Variants in KRTAP12-4 observed in about 807,000 individuals in gnomAD.
KRTAP12-4 encodes the protein keratin-associated protein 12-4.
For missense variants in KRTAP12-4, 148 were observed against 141.2 expected, an observed-to-expected ratio of 1.05 and a Z score of -0.24; for synonymous variants, 58 against 58.7, an observed-to-expected ratio of 0.99 and a Z score of 0.05.
chr21:44,654,454 G>T lies in KRTAP12-4; in HGVS notation c.161C>A (p.Thr54Asn). 1 of 1,614,060 alleles carries T rather than the reference G, an allele frequency of 6.2e-7. No homozygotes were observed. Among genetic ancestry groups the T allele is most frequent in the Non-Finnish European group, 8.5e-7 (1 of 1,179,960 alleles). ...CACACAGCAGGCTGGCTGGCAGCAGGTGGATACCCCACACAGGGGCCGGCA... is the reference window on the plus strand; with the variant it reads ...CACACAGCAGGCTGGCTGGCAGCAGTTGGATACCCCACACAGGGGCCGGCA... ...LLCRPLCGVSTCCQPACCVPS... is the reference protein window; with the variant it reads ...LLCRPLCGVSNCCQPACCVPS... The change falls in exon 1 of 1, where the codon ACC becomes AAC. Residue 54 changes from threonine to asparagine, a missense_variant. Thr to Asn is a moderately conservative substitution (Grantham distance 65). Coordinates refer to ENST00000391618, the MANE Select transcript of KRTAP12-4 (RefSeq NM_198698.1).
At chr21:44,654,577 G>GC in the KRTAP12-4 span, 1 of 1,601,194 alleles carries the variant, frequency 6.2e-7, no homozygotes, top group Non-Finnish European at 8.5e-7. Flanking sequence ...GCCAGGGCAG[G>GC]CCATTGGGCA....
In KRTAP12-4 at chr21:44,654,440, C is replaced by T. The variant is rs1985003383; in HGVS notation, c.175G>A (p.Ala59Thr). The change falls in exon 1 of 1, where the codon GCC becomes ACC. Residue 59 changes from alanine (A) to threonine (T), a missense_variant. Ala to Thr is a moderately conservative substitution (Grantham distance 58). Coordinates refer to ENST00000391618, the MANE Select transcript of KRTAP12-4 (RefSeq NM_198698.1). ...TGGCAGGGGCTGGGCACACAGCAGG[C>T]TGGCTGGCAGCAGGTGGATACCCCA... ...LCGVSTCCQP[A>T]CCVPSPCQVA... is the part of the protein sequence containing the mutation. 6.2e-7 allele frequency: 1 copy of T among 1,614,086 alleles called. No homozygotes were observed. The highest frequency in any genetic ancestry group is 8.5e-7 in the Non-Finnish European group (1 of 1,179,980).
At position 44,654,313 on chromosome 21, in the gene KRTAP12-4, TAGA is replaced by T; in HGVS notation, c.299_301del (p.Val100_Tyr101delinsAsp). On this transcript the variant is annotated inframe_deletion, in exon 1 of 1. Transcript: ENST00000391618. The stretch of plus-strand genomic sequence containing the variant: ...GGGGGTGCTCCAGGTGACAGGTCTA[TAGA>T]CCAGGGTGGGGCAGAAGGGCTGGCA... The T allele has an allele frequency of 3.1e-6, 5 of 1,613,948 alleles. No homozygotes were observed. The highest frequency in any genetic ancestry group is 4.2e-6 in the Non-Finnish European group (5 of 1,179,902).
At position 44,654,462 on chromosome 21, in the gene KRTAP12-4, C is replaced by A; in HGVS notation, c.153G>T (p.Gly51=). Residue 51 remains glycine (G), a synonymous_variant, in exon 1 of 1, where the codon GGG becomes GGT. Coordinates refer to ENST00000391618, the MANE Select transcript of KRTAP12-4 (RefSeq NM_198698.1). ...AGGCTGGCTGGCAGCAGGTGGATAC[C>A]CCACACAGGGGCCGGCACAGCAGAG... is the stretch of plus-strand genomic sequence containing the variant. ...CVALLCRPLC[G]VSTCCQPACC... 2 of 1,613,966 alleles carry A rather than the reference C, an allele frequency of 1.2e-6. No homozygotes were observed. The highest frequency in any genetic ancestry group is 1.7e-6 in the Non-Finnish European group (2 of 1,179,938).
In KRTAP12-4 at chr21:44,654,600, G is replaced by C; in HGVS notation, c.15C>G (p.Ser5Arg). The part of the protein sequence containing the change: MCHT[S>R]HSSGCPMACP... The stretch of plus-strand genomic sequence containing the variant: ...AGGCCATTGGGCAGCCCGAAGAGTG[G>C]CTGGTGTGGCACATGATGGAGTGTG... The change falls in exon 1 of 1, where the codon AGC becomes AGG. Residue 5 changes from serine (S) to arginine (R), a missense_variant. Ser to Arg is a moderately radical substitution (Grantham distance 110, BLOSUM62 -1). Transcript: ENST00000391618. 6.4e-7 allele frequency: 1 copy of C among 1,573,048 alleles called. No homozygotes were observed. The highest frequency in any genetic ancestry group is 8.6e-7 in the Non-Finnish European group (1 of 1,158,010).
rs782748236 is a variant in KRTAP12-4 at position 44,654,270 on chromosome 21, A to G, written c.*6T>C. ...GCACCTACGAGGGTCATAGGAGGCC[A>G]CCTGCTCAGCAGCCAGTGGGGGTGC... On this transcript the variant is annotated 3_prime_UTR_variant, in exon 1 of 1. Transcript: ENST00000391618. The G allele has an allele frequency of 2.7e-5, 44 of 1,612,704 alleles. No individual in the cohort carries two copies. Among genetic ancestry groups the G allele is most frequent in the Non-Finnish European group, 3.6e-5 (43 of 1,179,174 alleles).
Position 44,654,468 on chromosome 21 carries a change from C to T in KRTAP12-4, c.147G>A (p.Leu49=), listed in dbSNP as rs1465241870. The change falls in exon 1 of 1, where the codon CTG becomes CTA. Residue 49 remains leucine (L), a synonymous_variant. Coordinates refer to ENST00000391618, the MANE Select transcript of KRTAP12-4 (RefSeq NM_198698.1). The part of the protein sequence containing the change: ...APCVALLCRP[L]CGVSTCCQPA... ...GCTGGCAGCAGGTGGATACCCCACA[C>T]AGGGGCCGGCACAGCAGAGCCACAC... 3 of 1,613,844 alleles carry T rather than the reference C, an allele frequency of 1.9e-6. No homozygotes were observed. The highest frequency in any genetic ancestry group is 2.7e-5 in the African/African-American group (2 of 74,942).
At position 44,654,422 on chromosome 21, in the gene KRTAP12-4, G is replaced by T; in HGVS notation, c.193C>A (p.Pro65Thr). The change falls in exon 1 of 1, where the codon CCC becomes ACC. Residue 65 changes from proline (P) to threonine (T), a missense_variant. Transcript: ENST00000391618. Reference sequence around the variant, plus strand: ...GGCACACAGCAGGCCACCTGGCAGGGGCTGGGCACACAGCAGGCTGGCTGG... The same window carrying T: ...GGCACACAGCAGGCCACCTGGCAGGTGCTGGGCACACAGCAGGCTGGCTGG... The part of the protein sequence containing the change: ...CCQPACCVPS[P>T]CQVACCVPVS... 1 of 1,614,152 alleles carries T rather than the reference G, an allele frequency of 6.2e-7. No individual in the cohort carries two copies. The highest frequency in any genetic ancestry group is 8.5e-7 in the Non-Finnish European group (1 of 1,179,990).
At chr21:44,654,548 TGGGGACACAGCAC>T in the KRTAP12-4 span, 205 of 1,611,210 alleles carry the variant, frequency 1.3e-4, 1 homozygote, top group African/African-American at 2.4e-3. Flanking sequence ...TAGCAGGTGC[TGGGGACACAGCAC>T]GGGGAGCCAG....
chr21:44,654,245 G>C lies in KRTAP12-4; in HGVS notation c.*31C>G. Reference sequence around the variant, plus strand: ...AGAGAGCCTGCTGGCTTCTGACCTCGCACCTACGAGGGTCATAGGAGGCCA... The same window carrying C: ...AGAGAGCCTGCTGGCTTCTGACCTCCCACCTACGAGGGTCATAGGAGGCCA... On this transcript the variant is annotated 3_prime_UTR_variant, in exon 1 of 1. Coordinates refer to ENST00000391618, the MANE Select transcript of KRTAP12-4 (RefSeq NM_198698.1). 2.6e-6 allele frequency: 4 copies of C among 1,561,430 alleles called. No individual in the cohort carries two copies. The highest frequency in any genetic ancestry group is 1.1e-5 in the South Asian group (1 of 89,682).
In KRTAP12-4 at chr21:44,654,249, C is replaced by G; in HGVS notation, c.*27G>C. 1.9e-6 allele frequency: 3 copies of G among 1,588,940 alleles called. No homozygotes were observed. Among genetic ancestry groups the G allele is most frequent in the Non-Finnish European group, 2.6e-6 (3 of 1,158,632 alleles). ...AGCCTGCTGGCTTCTGACCTCGCAC[C>G]TACGAGGGTCATAGGAGGCCACCTG... On this transcript the variant is annotated 3_prime_UTR_variant, in exon 1 of 1. Coordinates refer to ENST00000391618, the MANE Select transcript of KRTAP12-4 (RefSeq NM_198698.1).
Position 44,654,643 on chromosome 21 carries a change from G to A in KRTAP12-4, c.-29C>T, listed in dbSNP as rs2070576. 1.1e-5 allele frequency: 16 copies of A among 1,464,680 alleles called. No individual in the cohort carries two copies. The highest frequency in any genetic ancestry group is 4.2e-5 in the African/African-American group (3 of 71,962). 90.7% of individuals were successfully genotyped at this position (1,464,680 alleles called of 1,614,324 possible). On this transcript the variant is annotated 5_prime_UTR_variant, in exon 1 of 1. Transcript: ENST00000391618. ...GGAGTGTGGACAGGTGGGGGGCGCA[G>A]AGGACAGGGCTGGTCTGGAGCCTGC...
rs782173139 is a variant in KRTAP12-4, at chr21:44,654,467, A to T, written c.148T>A (p.Cys50Ser). 3.5e-5 allele frequency: 56 copies of T among 1,613,850 alleles called. No individual in the cohort carries two copies. Among genetic ancestry groups the T allele is most frequent in the Middle Eastern group, 1.6e-4 (1 of 6,066 alleles). Reference protein sequence around the residue: ...PCVALLCRPLCGVSTCCQPAC... With the variant: ...PCVALLCRPLSGVSTCCQPAC... ...GGCTGGCAGCAGGTGGATACCCCAC[A>T]CAGGGGCCGGCACAGCAGAGCCACA... Residue 50 changes from cysteine (C) to serine (S), a missense_variant, in exon 1 of 1, where the codon TGT becomes AGT. Transcript: ENST00000391618.
Position 44,654,250 on chromosome 21 carries a change from T to C in KRTAP12-4, c.*26A>G. ...GCCTGCTGGCTTCTGACCTCGCACC[T>C]ACGAGGGTCATAGGAGGCCACCTGC... On this transcript the variant is annotated 3_prime_UTR_variant, in exon 1 of 1. Transcript: ENST00000391618. The C allele has an allele frequency of 6.3e-7, 1 of 1,591,872 alleles. No homozygotes were observed. The highest frequency in any genetic ancestry group is 8.6e-7 in the Non-Finnish European group (1 of 1,161,096).
Position 44,654,328 on chromosome 21 carries a change from C to G in KRTAP12-4, c.287G>C (p.Cys96Ser), listed in dbSNP as rs1039419338. The G allele has an allele frequency of 3.1e-6, 5 of 1,614,044 alleles. No homozygotes were observed. The highest frequency in any genetic ancestry group is 4.2e-6 in the Non-Finnish European group (5 of 1,179,946). The change falls in exon 1 of 1, where the codon TGC becomes TCC. Residue 96 changes from cysteine (C) to serine (S), a missense_variant. Transcript: ENST00000391618. Reference sequence around the variant, plus strand: ...GACAGGTCTATAGACCAGGGTGGGGCAGAAGGGCTGGCAGCACCCAGAGGT... The same window carrying G: ...GACAGGTCTATAGACCAGGGTGGGGGAGAAGGGCTGGCAGCACCCAGAGGT... ...CPTSGCCQPF[C>S]PTLVYRPVTW...
Position 44,654,278 on chromosome 21 carries a change from A to G in KRTAP12-4, c.337T>C (p.Ter113ArgextTer6). The G allele has an allele frequency of 6.2e-7, 1 of 1,612,786 alleles. No homozygotes were observed. ...GAGGGTCATAGGAGGCCACCTGCTC[A>G]GCAGCCAGTGGGGGTGCTCCAGGTG... ...PVTWSTPTGC* is the reference protein window; with the variant it reads ...PVTWSTPTGCR The change falls in exon 1 of 1, where the codon TGA becomes CGA. Residue 113 changes from the stop codon to arginine, a stop_lost. Coordinates refer to ENST00000391618, the MANE Select transcript of KRTAP12-4 (RefSeq NM_198698.1).
chr21:44,654,507 G>A lies in KRTAP12-4; in HGVS notation c.108C>T (p.Cys36=), dbSNP rs782039264. The A allele has an allele frequency of 4.3e-6, 7 of 1,613,580 alleles. No homozygotes were observed. Among genetic ancestry groups the A allele is most frequent in the Non-Finnish European group, 5.9e-6 (7 of 1,179,716 alleles). The change falls in exon 1 of 1, where the codon TGC becomes TGT. Residue 36 remains cysteine, a synonymous_variant. Transcript: ENST00000391618. ...GCAGAGCCACACAGGGGGCTGAGCA[G>A]CAGCAGGAGGTCCCATAGCCCTCGG... is the stretch of plus-strand genomic sequence containing the variant. The part of the protein sequence containing the change: ...YPPEGYGTSC[C]CSAPCVALLC...
In KRTAP12-4 at chr21:44,654,457, G is replaced by A. The variant is rs1985005909; in HGVS notation, c.158C>T (p.Ser53Phe). Reference sequence around the variant, plus strand: ...ACAGCAGGCTGGCTGGCAGCAGGTGGATACCCCACACAGGGGCCGGCACAG... The same window carrying A: ...ACAGCAGGCTGGCTGGCAGCAGGTGAATACCCCACACAGGGGCCGGCACAG... ...ALLCRPLCGV[S>F]TCCQPACCVP... The change falls in exon 1 of 1, where the codon TCC (serine) becomes TTC (phenylalanine). Residue 53 changes from serine (S) to phenylalanine (F), a missense_variant. Physicochemically the swap from Ser to Phe is radical, Grantham distance 155 (BLOSUM62 -2). Transcript: ENST00000391618. 2 of 1,614,058 alleles carry A rather than the reference G, an allele frequency of 1.2e-6. No homozygotes were observed. The highest frequency in any genetic ancestry group is 8.5e-7 in the Non-Finnish European group (1 of 1,179,944).
the KRTAP12-4 span, chr21:44,654,494 AG>A: frequency 2.5e-6 from 4 of 1,613,692 alleles, no homozygotes; most frequent in African/African-American, 5.3e-5. Context: ...AGAGCCACAC[AG>A]GGGGCTGAGC....
Sources: gnomAD v4.1 joint callset for allele counts on GRCh38, gnomAD v4.1.1 for gene constraint, MANE v1.5 for transcripts, NCBI Gene and HGNC (gene_info 2026-07-23, HGNC 2026-07-21) for gene names.